The following SH3RF3 variants were observed in gnomAD, a reference collection of about 807,000 sequenced individuals.
The protein encoded by SH3RF3 is E3 ubiquitin-protein ligase SH3RF3.
In SH3RF3, 29 loss-of-function variants were observed where a neutral mutation model predicts 66.3. That is an observed-to-expected ratio of 0.44 (90% CI 0.33 to 0.60). SH3RF3 has a LOEUF of 0.60. SH3RF3 is among the 20% of genes least tolerant of loss of function. The pLI is 0.04. For synonymous variants in SH3RF3, 583 were observed against 532.0 expected, an observed-to-expected ratio of 1.10 and a Z score of -1.32; for missense variants, 1,194 against 1,190.9, an observed-to-expected ratio of 1.00 and a Z score of -0.04.
chr2:109,400,211 C>G (rs931245618), intron 4 of SH3RF3, among the ~76,000 whole-genome samples: 3 of 152,210 alleles, frequency 2.0e-5, no homozygotes, highest in African/African-American at 7.2e-5. Flanking sequence ...CCTACACACA[C>G]TTGCACACAT....
chr2:109,270,441 G>A (rs1179879828), intron 1 of SH3RF3, among the ~76,000 whole-genome samples: 2 of 152,160 alleles, frequency 1.3e-5, no homozygotes, highest in African/African-American at 2.4e-5. Flanking sequence ...CCACAGGGAA[G>A]GAAACATTTC....
At position 109,503,434 on chromosome 2, in the gene SH3RF3, A is replaced by T. The variant is rs1299254566; in HGVS notation, c.*1763A>T. 1 of 152,154 alleles carries T rather than the reference A, an allele frequency of 6.6e-6. No individual in the cohort carries two copies. The highest frequency in any genetic ancestry group is 1.5e-5 in the Non-Finnish European group (1 of 68,028). The allele number at this position is 152,154 out of a possible 1,614,324, so 9.4% of individuals were successfully genotyped here. ...AGGTGGTCACCACACGGCGGGGGTC[A>T]TGCCTTTCCCTCCCCCAAGATGATA... On this transcript the variant is annotated 3_prime_UTR_variant, in exon 10 of 10. Transcript: ENST00000309415.
At chr2:109,318,049 C>T (rs1681928034) in intron 1 of SH3RF3, among the ~76,000 whole-genome samples, 1 of 150,286 alleles carries the variant, frequency 6.7e-6, no homozygotes, top group South Asian at 2.1e-4. Context: ...TCATCGTGAT[C>T]CTTTCTCTCC....
chr2:109,384,832 A>G (rs1329961667), intron 3 of SH3RF3, among the ~76,000 whole-genome samples: 1 of 152,026 alleles, frequency 6.6e-6, no homozygotes, highest in Admixed American at 6.5e-5. Context: ...CCTCAGGGTA[A>G]CTCCAACCCG....
In SH3RF3 at chr2:109,398,756, A is replaced by T; in HGVS notation, c.1112A>T (p.Asp371Val). ...GTCAGTGCCTTTCAGCGGCGTGTGG[A>T]TGGCAAGAAGAACACCAAGAAACGC... ...GAVSAFQRRV[D>V]GKKNTKKRHS... is the part of the protein sequence containing the mutation. Residue 371 changes from aspartate to valine, a missense_variant, in exon 4 of 10, where the codon GAT becomes GTT. Physicochemically the swap from Asp to Val is radical, Grantham distance 152. Coordinates refer to ENST00000309415, the MANE Select transcript of SH3RF3 (RefSeq NM_001099289.3). The T allele has an allele frequency of 1.2e-6, 2 of 1,613,650 alleles. No homozygotes were observed. The highest frequency in any genetic ancestry group is 1.7e-6 in the Non-Finnish European group (2 of 1,179,786).
At chr2:109,246,867 C>T (rs569352946) in intron 1 of SH3RF3, among the ~76,000 whole-genome samples, 1 of 152,286 alleles carries the variant, frequency 6.6e-6, no homozygotes, top group East Asian at 1.9e-4. Flanking sequence ...TGTCTTCCTT[C>T]CATTCGGTGG....
chr2:109,157,258 G>A (rs1448745652), intron 1 of SH3RF3, among the ~76,000 whole-genome samples: 1 of 152,210 alleles, frequency 6.6e-6, no homozygotes, highest in Non-Finnish European at 1.5e-5. Context: ...TAAACTTGCA[G>A]TCAGGCCAGC....
intron 8 of SH3RF3, among the ~76,000 whole-genome samples, chr2:109,481,531 A>G (rs2104764357): frequency 6.6e-6 from 1 of 152,190 alleles, no homozygotes; most frequent in East Asian, 1.9e-4. Context: ...AGTTTCCAGA[A>G]GGCTGTAGAT....
rs532642832 is a variant in SH3RF3 at position 109,306,465 on chromosome 2, G to A, written c.574-41209G>A. 2.6e-5 allele frequency among the ~76,000 whole-genome samples: 4 copies of A among 152,316 alleles called. No individual in the cohort carries two copies. The East Asian group carries it at 7.7e-4, about 29-fold the overall frequency. Reference sequence around the variant, plus strand: ...CAGGCAGGCTGCACATACCGCAGAAGGTATGGGAGCAGAGCAGGTGCCATG... The same window carrying A: ...CAGGCAGGCTGCACATACCGCAGAAAGTATGGGAGCAGAGCAGGTGCCATG... On this transcript the variant is annotated intron_variant, in intron 1 of 9. Coordinates refer to ENST00000309415, the MANE Select transcript of SH3RF3 (RefSeq NM_001099289.3).
chr2:109,161,270 T>G (rs1677483162), intron 1 of SH3RF3, among the ~76,000 whole-genome samples: 2 of 152,142 alleles, frequency 1.3e-5, no homozygotes. Flanking sequence ...GAGTTGAGTT[T>G]AGTTCAGGGT....
intron 1 of SH3RF3, among the ~76,000 whole-genome samples, chr2:109,235,076 A>C (rs769882538): frequency 1.3e-5 from 2 of 152,198 alleles, no homozygotes; most frequent in African/African-American, 2.4e-5. Flanking sequence ...GGTGAGGCAG[A>C]GCTTTAGAAC....
chr2:109,204,423 T>G (rs946538352), intron 1 of SH3RF3, among the ~76,000 whole-genome samples: 4 of 152,268 alleles, frequency 2.6e-5, no homozygotes, highest in South Asian at 2.1e-4. Flanking sequence ...TGATTGTCCC[T>G]TAAAAATCTG....
chr2:109,480,183 G>A (rs991987881), intron 8 of SH3RF3, among the ~76,000 whole-genome samples: 23 of 152,192 alleles, frequency 1.5e-4, no homozygotes, highest in African/African-American at 4.8e-4. Flanking sequence ...AAAAGAAGGC[G>A]TTGTGCCCAA....
intron 1 of SH3RF3, among the ~76,000 whole-genome samples, chr2:109,219,842 ACT>A (rs1679190649): frequency 6.6e-6 from 1 of 152,216 alleles, no homozygotes. Flanking sequence ...TTGAGATGAC[ACT>A]ACTACTCAAA....
chr2:109,499,372 C>CCCTG (rs1188007188), intron 9 of SH3RF3, among the ~76,000 whole-genome samples: 1 of 152,200 alleles, frequency 6.6e-6, no homozygotes, highest in African/African-American at 2.4e-5. Context: ...AATAGCTGCA[C>CCCTG]CCTGCCTGCC....
intron 3 of SH3RF3, among the ~76,000 whole-genome samples, chr2:109,390,139 G>A (rs1280948768): frequency 6.6e-6 from 1 of 152,222 alleles, no homozygotes; most frequent in Non-Finnish European, 1.5e-5. Context: ...CTGCTGCCAA[G>A]GGTCTGAGGT....
chr2:109,164,522 C>T (rs1449867581), intron 1 of SH3RF3, among the ~76,000 whole-genome samples: 2 of 152,152 alleles, frequency 1.3e-5, no homozygotes, highest in African/African-American at 2.4e-5. Flanking sequence ...TTCGGCCAAG[C>T]CTGGCTGTTT....
At chr2:109,373,597 C>CAGAG (rs1683321288) in intron 3 of SH3RF3, among the ~76,000 whole-genome samples, 1 of 152,014 alleles carries the variant, frequency 6.6e-6, no homozygotes, top group Admixed American at 6.6e-5. Flanking sequence ...CAAAAGCAGA[C>CAGAG]AGAACTCCTC....
chr2:109,346,253 T>C (rs866616493), intron 1 of SH3RF3, among the ~76,000 whole-genome samples: 5 of 152,246 alleles, frequency 3.3e-5, no homozygotes, highest in Non-Finnish European at 4.4e-5. Context: ...TAGTGGTGGC[T>C]GTTTGTCAAT....
Sources: allele counts gnomAD v4.1 joint callset (sites outside exome capture counted in the v4.1 genomes callset), GRCh38; gene constraint gnomAD v4.1.1; transcripts MANE v1.5; gene names NCBI Gene and HGNC (gene_info 2026-07-23, HGNC 2026-07-21).